Variants in SHC3 observed in about 807,000 individuals in gnomAD.
The protein encoded by SHC3 is SHC-transforming protein 3.
SHC3 carries 15 observed loss-of-function variants against 60.4 expected under a neutral mutation model. That is an observed-to-expected ratio of 0.25 (90% CI 0.17 to 0.38). The LOEUF (loss-of-function observed/expected upper bound fraction) is 0.38. SHC3 is among the 10% of genes least tolerant of loss of function. SHC3 has a pLI of 1.00. For synonymous variants in SHC3, 294 were observed against 325.9 expected, an observed-to-expected ratio of 0.90 and a Z score of 1.05; for missense variants, 677 against 786.1, an observed-to-expected ratio of 0.86 and a Z score of 1.66.
At chr9:89,022,009 G>C (rs368256904) in intron 11 of SHC3, among the ~76,000 whole-genome samples, 28 of 152,138 alleles carry the variant, frequency 1.8e-4, no homozygotes, top group African/African-American at 6.5e-4. Context: ...AATGGGCTGC[G>C]TAATTTCCAT....
chr9:89,059,603 A>AT (rs1587703049), intron 6 of SHC3, among the ~76,000 whole-genome samples: 1 of 91,640 alleles, frequency 1.1e-5, no homozygotes, highest in African/African-American at 4.5e-5. Context: ...ATGGTGTAGG[A>AT]CGTGGTGCAG....
At chr9:89,174,226 TA>T (rs1429057587) in intron 1 of SHC3, among the ~76,000 whole-genome samples, 1 of 152,122 alleles carries the variant, frequency 6.6e-6, no homozygotes, top group Non-Finnish European at 1.5e-5. Context: ...CATTTACAAA[TA>T]AAGCAAATGA....
At position 89,178,598 on chromosome 9, in the gene SHC3, G is replaced by A. The variant is rs1826984700; in HGVS notation, c.-138C>T. On this transcript the variant is annotated 5_prime_UTR_variant, in exon 1 of 12. Coordinates refer to ENST00000375835, the MANE Select transcript of SHC3 (RefSeq NM_016848.6). This position sits in a 1 kb window ranked among gnomAD's most constrained non-coding sequence, Gnocchi z 6.9. ...GCCCCGGGACAGCCTTCTGGAGAAC[G>A]AGAGCAGAGCAAGAGGATGGTGCCC... is the stretch of plus-strand genomic sequence containing the variant. 2 of 700,554 alleles carry A rather than the reference G, an allele frequency of 2.9e-6. No homozygotes were observed. Among genetic ancestry groups the A allele is most frequent in the Non-Finnish European group, 4.3e-6 (2 of 466,476 alleles). The allele number at this position is 700,554 out of a possible 1,614,324, so 43.4% of individuals were successfully genotyped here.
intron 6 of SHC3, among the ~76,000 whole-genome samples, chr9:89,057,801 G>A (rs1046062935): frequency 6.6e-5 from 10 of 152,052 alleles, no homozygotes; most frequent in South Asian, 2.1e-4. Context: ...CCTCCTCCCC[G>A]CAAAAGTCAT....
At chr9:89,123,008 T>C (rs1212060592) in intron 1 of SHC3, among the ~76,000 whole-genome samples, 4 of 152,210 alleles carry the variant, frequency 2.6e-5, no homozygotes, top group South Asian at 2.1e-4. Flanking sequence ...CATGCTTTTA[T>C]GGGATTGCTA....
chr9:89,130,825 C>T (rs532223649), intron 1 of SHC3, among the ~76,000 whole-genome samples: 2 of 152,114 alleles, frequency 1.3e-5, no homozygotes, highest in African/African-American at 2.4e-5. Context: ...AAAATTGACA[C>T]CCTAACATCA....
At chr9:89,034,765 A>G (rs996982034) in intron 11 of SHC3, among the ~76,000 whole-genome samples, 1 of 152,236 alleles carries the variant, frequency 6.6e-6, no homozygotes, top group African/African-American at 2.4e-5. Flanking sequence ...AAACTCTATC[A>G]AAAGACACCT....
intron 1 of SHC3, among the ~76,000 whole-genome samples, chr9:89,121,216 A>G (rs1826087741): frequency 6.6e-6 from 1 of 152,152 alleles, no homozygotes; most frequent in Admixed American, 6.6e-5. Context: ...TCATTACCAC[A>G]TATGCACTCA....
intron 11 of SHC3, among the ~76,000 whole-genome samples, chr9:89,018,492 G>C (rs1187733354): frequency 6.6e-6 from 1 of 152,092 alleles, no homozygotes; most frequent in African/African-American, 2.4e-5. Flanking sequence ...GGCCTGTCAG[G>C]GGGTGGGGGG....
Position 89,178,519 on chromosome 9 carries a change from G to A in SHC3, c.-59C>T. On this transcript the variant is annotated 5_prime_UTR_variant, in exon 1 of 12. Coordinates refer to ENST00000375835, the MANE Select transcript of SHC3 (RefSeq NM_016848.6). This position sits in a 1 kb window ranked among gnomAD's most constrained non-coding sequence, Gnocchi z 6.9. Reference sequence around the variant, plus strand: ...GCTGCTGGTGCCGGCCCCGGCGCGGGCTGCCGCGCATAGCAGGCGAGCCAC... The same window carrying A: ...GCTGCTGGTGCCGGCCCCGGCGCGGACTGCCGCGCATAGCAGGCGAGCCAC... The A allele has an allele frequency of 1.4e-6, 2 of 1,394,348 alleles. No individual in the cohort carries two copies. The highest frequency in any genetic ancestry group is 1.9e-6 in the Non-Finnish European group (2 of 1,065,408). The allele number at this position is 1,394,348 out of a possible 1,614,324, so 86.4% of individuals were successfully genotyped here.
chr9:89,057,315 CTTTTTTT>C (rs10606274), intron 6 of SHC3, among the ~76,000 whole-genome samples: 4 of 133,750 alleles, frequency 3.0e-5, no homozygotes, highest in Non-Finnish European at 6.3e-5. Flanking sequence ...TTTCCTTTTT[CTTTTTTT>C]TTTTTTTTTT....
chr9:89,084,224 T>C (rs1021430952), intron 2 of SHC3, among the ~76,000 whole-genome samples: 2 of 152,216 alleles, frequency 1.3e-5, no homozygotes, highest in African/African-American at 2.4e-5. Flanking sequence ...TGTGCCATTA[T>C]AATCCCAGCA....
chr9:89,057,134 A>G (rs1040262432), intron 6 of SHC3, among the ~76,000 whole-genome samples: 1 of 152,238 alleles, frequency 6.6e-6, no homozygotes, highest in Admixed American at 6.5e-5. Flanking sequence ...TGTCCTGCTC[A>G]ACAAGGACGG....
intron 2 of SHC3, among the ~76,000 whole-genome samples, chr9:89,081,379 A>T (rs915380344): frequency 2.0e-5 from 3 of 152,190 alleles, no homozygotes; most frequent in Admixed American, 1.3e-4. Context: ...CTGAAATTCT[A>T]TTTTCATAGC....
At chr9:89,077,810 C>T (rs765192502) in intron 3 of SHC3, 30 bp downstream of exon 3, 1 of 1,613,546 alleles carries the variant, frequency 6.2e-7, no homozygotes. Context: ...AGAGGAGACA[C>T]AGTTAGACAC....
intron 1 of SHC3, among the ~76,000 whole-genome samples, chr9:89,144,191 G>A (rs1385830898): frequency 6.6e-6 from 1 of 152,244 alleles, no homozygotes; most frequent in African/African-American, 2.4e-5. Flanking sequence ...GAACTGCACT[G>A]ACCATCAGAA....
rs62638717 is a variant in SHC3, at chr9:89,038,065, C to T, written c.1584G>A (p.Pro528=). The T allele has an allele frequency of 3.4e-5, 55 of 1,613,908 alleles. No homozygotes were observed. Among genetic ancestry groups the T allele is most frequent in the Middle Eastern group, 1.6e-4 (1 of 6,082 alleles). ...DFLVRKSTTN[P]GSFVLTGMHN... is the part of the protein sequence containing the mutation. ...GCATGCCCGTGAGGACAAAGGAGCC[C>T]GGGTTGGTGGTGCTCTTCCTGACCA... The change falls in exon 11 of 12, where the codon CCG becomes CCA. Residue 528 remains proline, a synonymous_variant. Transcript: ENST00000375835.
At position 89,177,426 on chromosome 9, in the gene SHC3, AG is replaced by A. The variant is rs201340379; in HGVS notation, c.474+560del. Among the ~76,000 whole-genome samples, 117 of 152,336 alleles carry A rather than the reference AG, an allele frequency of 7.7e-4. 3 individuals are homozygous for A. The East Asian group carries it at 0.02, about 26-fold the overall frequency. On this transcript the variant is annotated intron_variant, in intron 1 of 11. Transcript: ENST00000375835. ...CTTAGGGAATGAAAGACAAACCCCAAGAAAACCTGGACTGGGTGAGAAAGTA... is the reference window on the plus strand; with the variant it reads ...CTTAGGGAATGAAAGACAAACCCCAAAAAACCTGGACTGGGTGAGAAAGTA...
chr9:89,112,356 G>T (rs1240413014), intron 2 of SHC3, among the ~76,000 whole-genome samples, 200 bp downstream of exon 2: 1 of 152,152 alleles, frequency 6.6e-6, no homozygotes, highest in Non-Finnish European at 1.5e-5. Context: ...TGTCCTTCAA[G>T]GTACTTTGGT....
Sources: gnomAD v4.1 joint callset for allele counts (sites outside exome capture counted in the v4.1 genomes callset) on GRCh38, gnomAD v4.1.1 for gene constraint, Gnocchi (gnomAD v3.1) non-coding constraint, MANE v1.5 for transcripts, NCBI Gene and HGNC (gene_info 2026-07-23, HGNC 2026-07-21) for gene names.